Variants in EFL1 observed in about 807,000 individuals in gnomAD.
EFL1 encodes elongation factor-like GTPase 1.
A neutral mutation model predicts 126.7 loss-of-function variants in EFL1; 76 were observed. That is an observed-to-expected ratio of 0.60 (90% CI 0.50 to 0.73). The LOEUF (loss-of-function observed/expected upper bound fraction) is 0.73, where lower values mean the gene tolerates loss of function less well. Among genes scored for constraint, EFL1 ranks in the 30% least tolerant of loss-of-function variants. The pLI is 0.00. For synonymous variants in EFL1, 410 were observed against 448.4 expected, an observed-to-expected ratio of 0.91 and a Z score of 1.08; for missense variants, 1,128 against 1,343.2, an observed-to-expected ratio of 0.84 and a Z score of 2.50.
intron 15 of EFL1, among the ~76,000 whole-genome samples, chr15:82,206,543 G>A (rs1464065255): frequency 9.9e-5 from 15 of 151,934 alleles, no homozygotes; most frequent in African/African-American, 2.4e-5. Flanking sequence ...CATTTGGCAG[G>A]GAATAAAGAA....
Position 82,152,307 on chromosome 15 carries a change from G to T in EFL1, c.2147C>A (p.Ala716Glu), listed in dbSNP as rs1467305865. Residue 716 changes from alanine (A) to glutamate (E), a missense_variant, in exon 18 of 20, where the codon GCA becomes GAA. Physicochemically the swap from Ala to Glu is moderately radical, Grantham distance 107. Around this residue, in one of 6 missense-constraint regions of EFL1, gnomAD observed 561 missense variants for 641.7 expected, o/e 0.87. Transcript: ENST00000268206. The stretch of plus-strand genomic sequence containing the variant: ...ATCTTCTTTCATTTGGTGTATGACT[G>T]CAACTTTTTGCTGTTTGCCTATTTC... The part of the protein sequence containing the change: ...NEEIGKQQKV[A>E]VIHQMKEDQS... 8.1e-6 allele frequency: 13 copies of T among 1,613,944 alleles called. No homozygotes were observed. The highest frequency in any genetic ancestry group is 1.3e-5 in the African/African-American group (1 of 74,902).
At chr15:82,215,197 G>A (rs1414164273) in intron 14 of EFL1, among the ~76,000 whole-genome samples, 1 of 152,116 alleles carries the variant, frequency 6.6e-6, no homozygotes, top group Non-Finnish European at 1.5e-5. Flanking sequence ...ACCAGTTCTG[G>A]TGACTACTGT....
intron 15 of EFL1, among the ~76,000 whole-genome samples, chr15:82,189,139 C>T (rs1333843647): frequency 6.6e-6 from 1 of 152,122 alleles, no homozygotes; most frequent in East Asian, 1.9e-4. Context: ...CGCCGTGTTA[C>T]TGTACCGAGT....
intron 9 of EFL1, 52 bp downstream of exon 9, chr15:82,228,982 A>T: frequency 6.8e-7 from 1 of 1,462,022 alleles, no homozygotes; most frequent in South Asian, 1.3e-5. Context: ...CTGGAAAGTG[A>T]GACAAATTAT....
Position 82,151,600 on chromosome 15 carries a change from C to G in EFL1, c.2854G>C (p.Asp952His), listed in dbSNP as rs745316268. 1 of 1,614,134 alleles carries G rather than the reference C, an allele frequency of 6.2e-7. No homozygotes were observed. The highest frequency in any genetic ancestry group is 1.7e-5 in the Admixed American group (1 of 60,008). Residue 952 changes from aspartate (D) to histidine (H), a missense_variant, in exon 18 of 20, where the codon GAC (aspartate) becomes CAC (histidine). Transcript: ENST00000268206. The stretch of plus-strand genomic sequence containing the variant: ...TGTCCTGAGAAAGGTCCATAGCAGT[C>G]AGTGAGTGGAGATTCTCCTTTCTGT... ...TSQKGESPLT[D>H]CYGPFSGQLI...
intron 14 of EFL1, among the ~76,000 whole-genome samples, chr15:82,216,909 T>C (rs1167601600): frequency 1.3e-5 from 2 of 151,888 alleles, no homozygotes; most frequent in African/African-American, 4.8e-5. Context: ...GAGAAGAAAT[T>C]TGCAAAATTC....
intron 15 of EFL1, among the ~76,000 whole-genome samples, chr15:82,192,802 T>C (rs1160677344): frequency 2.0e-5 from 3 of 151,930 alleles, no homozygotes; most frequent in African/African-American, 7.3e-5. Context: ...TCTGTTGAAC[T>C]GCACCAAACT....
intron 19 of EFL1, among the ~76,000 whole-genome samples, chr15:82,133,383 G>T (rs1010492854): frequency 1.5e-4 from 23 of 152,162 alleles, no homozygotes; most frequent in African/African-American, 5.6e-4. Context: ...AAAGCACCTG[G>T]CATATCCTAG....
At chr15:82,161,184 TA>T (rs61311286) in intron 16 of EFL1, among the ~76,000 whole-genome samples, 6 of 147,286 alleles carry the variant, frequency 4.1e-5, no homozygotes, top group Admixed American at 6.8e-5. Flanking sequence ...GTTGTCACAA[TA>T]AAAAAAAAAG....
In EFL1 at chr15:82,230,907, T is replaced by C; in HGVS notation, c.796A>G (p.Thr266Ala). Residue 266 changes from threonine to alanine, a missense_variant, in exon 8 of 20, where the codon ACC becomes GCC. Coordinates refer to ENST00000268206, the MANE Select transcript of EFL1 (RefSeq NM_024580.6). ...IGIKKEVLMKTLWGDYYINMK... is the reference protein window; with the variant it reads ...IGIKKEVLMKALWGDYYINMK... ...TTTATATAGTAATCTCCCCACAAGG[T>C]TTTCATAAGAACTTCCTTTTTGATG... 1 of 1,613,506 alleles carries C rather than the reference T, an allele frequency of 6.2e-7. No individual in the cohort carries two copies. Among genetic ancestry groups the C allele is most frequent in the East Asian group, 2.2e-5 (1 of 44,828 alleles).
At chr15:82,195,187 C>T (rs1033326790) in intron 15 of EFL1, among the ~76,000 whole-genome samples, 7 of 152,066 alleles carry the variant, frequency 4.6e-5, no homozygotes, top group African/African-American at 7.2e-5. Flanking sequence ...AATGTATTAT[C>T]CAAAAAACTC....
At chr15:82,140,881 A>G (rs963336712) in intron 18 of EFL1, among the ~76,000 whole-genome samples, 1 of 152,210 alleles carries the variant, frequency 6.6e-6, no homozygotes, top group Non-Finnish European at 1.5e-5. Flanking sequence ...CTCTCCTTGT[A>G]TACTCTAAAA....
chr15:82,140,112 A>G (rs1391397432), intron 18 of EFL1, among the ~76,000 whole-genome samples: 1 of 152,224 alleles, frequency 6.6e-6, no homozygotes, highest in Admixed American at 6.5e-5. Flanking sequence ...TTAAAAACAA[A>G]TTAACACTCC....
intron 3 of EFL1, among the ~76,000 whole-genome samples, chr15:82,253,311 A>AT (rs1241278113): frequency 6.6e-6 from 1 of 150,772 alleles, no homozygotes; most frequent in East Asian, 1.9e-4. Flanking sequence ...AAGTGCTGGC[A>AT]TTACGGGCAT....
In EFL1 at chr15:82,163,920, T is replaced by C. The variant is rs1295627412; in HGVS notation, c.1815A>G (p.Pro605=). The part of the protein sequence containing the change: ...SATLCSLPSC[P]PFIPLNFEAT... ...CTTCGAAGTTGAGTGGTATAAATGG[T>C]GGGCAGGATGGCAGGCTACACAGTG... Residue 605 remains proline (P), a synonymous_variant, in exon 16 of 20, where the codon CCA becomes CCG. Transcript: ENST00000268206. 4.3e-6 allele frequency: 7 copies of C among 1,613,982 alleles called. No individual in the cohort carries two copies. Among genetic ancestry groups the C allele is most frequent in the Non-Finnish European group, 5.9e-6 (7 of 1,180,012 alleles).
In EFL1 at chr15:82,151,503, A is replaced by G. The variant is rs776319720; in HGVS notation, c.2951T>C (p.Met984Thr). 1 of 1,613,750 alleles carries G rather than the reference A, an allele frequency of 6.2e-7. No individual in the cohort carries two copies. The highest frequency in any genetic ancestry group is 8.5e-7 in the Non-Finnish European group (1 of 1,179,918). The change falls in exon 18 of 20, where the codon ATG (methionine) becomes ACG (threonine). Residue 984 changes from methionine (M) to threonine (T), a missense_variant. This residue lies in a region of EFL1 where 561 missense variants were observed against 641.7 expected (regional missense o/e 0.87). Transcript: ENST00000268206. Reference protein sequence around the residue: ...QVKPQRLMAAMYTCDIMATGD... With the variant: ...QVKPQRLMAATYTCDIMATGD... ...AGTGGCCATGATGTCACATGTGTAC[A>G]TAGCTGCCATCAGGCGCTGAGGTTT...
intron 7 of EFL1, among the ~76,000 whole-genome samples, chr15:82,235,110 C>T (rs1268964514): frequency 6.6e-6 from 1 of 152,122 alleles, no homozygotes; most frequent in Non-Finnish European, 1.5e-5. Flanking sequence ...AAAACACAGG[C>T]TTCAGACTCA....
intron 6 of EFL1, among the ~76,000 whole-genome samples, chr15:82,239,281 G>C (rs1229856515): frequency 1.3e-5 from 2 of 151,806 alleles, no homozygotes; most frequent in Admixed American, 1.3e-4. Context: ...GGACTACAGG[G>C]GCCTGCTACC....
intron 4 of EFL1, among the ~76,000 whole-genome samples, chr15:82,246,551 A>G (rs185701290): frequency 6.7e-6 from 1 of 150,244 alleles, no homozygotes; most frequent in Admixed American, 6.6e-5. Flanking sequence ...TGGGGCTGAA[A>G]GAAGGATTTA....
Sources: allele counts gnomAD v4.1 joint callset (sites outside exome capture counted in the v4.1 genomes callset), GRCh38; gene constraint gnomAD v4.1.1; regional missense constraint gnomAD v4.1.1; transcripts MANE v1.5; gene names NCBI Gene and HGNC (gene_info 2026-07-23, HGNC 2026-07-21).